PCDH11X: variants seen among roughly 807,000 people sequenced by gnomAD.
PCDH11X encodes protocadherin-11 X-linked.
In PCDH11X, 18 loss-of-function variants were observed where a neutral mutation model predicts 53.3. The ratio of observed to expected loss-of-function variants is 0.34; its 90% CI spans 0.23 to 0.50. The LOEUF (loss-of-function observed/expected upper bound fraction) is 0.50. PCDH11X is among the 20% of genes least tolerant of loss of function. PCDH11X has a pLI of 0.98. For synonymous variants in PCDH11X, 279 were observed against 393.3 expected (o/e 0.71, Z 3.44); for missense variants, 570 against 1,032.4 (o/e 0.55, Z 6.14).
chrX:92,061,583 A>G (rs1459193344), intron 6 of PCDH11X, among the ~76,000 whole-genome samples: 30 of 108,674 alleles, frequency 2.8e-4, no homozygotes, highest in African/African-American at 9.6e-4. Context: ...GTTTTTGTCA[A>G]TTTCTGGAAG....
chrX:91,951,253 G>A (rs2061637952), intron 6 of PCDH11X, among the ~76,000 whole-genome samples: 1 of 110,360 alleles, frequency 9.1e-6, no homozygotes, highest in Non-Finnish European at 1.9e-5. Context: ...CTGTGCAAGA[G>A]AGTACTATTT....
chrX:91,899,341 T>G (rs1183337394), intron 6 of PCDH11X, among the ~76,000 whole-genome samples: 1 of 111,058 alleles, frequency 9.0e-6, no homozygotes, highest in Non-Finnish European at 1.9e-5. Flanking sequence ...CTTTCCAGTT[T>G]CTTCTGCCTG....
chrX:92,431,971 T>G (rs1264926466), intron 9 of PCDH11X, among the ~76,000 whole-genome samples: 1 of 110,395 alleles, frequency 9.1e-6, no homozygotes, highest in East Asian at 2.8e-4. Context: ...CAAAATGATC[T>G]GACAATACAT....
chrX:91,981,776 CTGT>C (rs767499166), intron 6 of PCDH11X, among the ~76,000 whole-genome samples: 36 of 107,121 alleles, frequency 3.4e-4, no homozygotes, highest in South Asian at 2.1e-3. Context: ...AGGGTAACTC[CTGT>C]TGTTGTTGTT....
chrX:91,919,757 TA>T (rs749818261), intron 6 of PCDH11X, among the ~76,000 whole-genome samples: 2 of 110,801 alleles, frequency 1.8e-5, no homozygotes, highest in African/African-American at 6.6e-5. Context: ...ATTTCAATAA[TA>T]AAAAAATTAT....
At chrX:92,138,600 G>A (rs2065123009) in intron 6 of PCDH11X, among the ~76,000 whole-genome samples, 1 of 110,439 alleles carries the variant, frequency 9.1e-6, no homozygotes, top group African/African-American at 3.3e-5. Context: ...TCTGAATATT[G>A]TAATAGCCTA....
chrX:92,192,994 C>T (rs1176771525), intron 6 of PCDH11X, among the ~76,000 whole-genome samples: 1 of 111,986 alleles, frequency 8.9e-6, no homozygotes, highest in Non-Finnish European at 1.9e-5. Flanking sequence ...CTGCCTCTGC[C>T]TCCCAAAGTG....
chrX:92,498,801 AT>A (rs1569496386), intron 10 of PCDH11X, among the ~76,000 whole-genome samples: 1 of 107,673 alleles, frequency 9.3e-6, no homozygotes, highest in Non-Finnish European at 1.9e-5. Context: ...ATAATAAAAA[AT>A]ATAACATGAA....
intron 6 of PCDH11X, chrX:91,982,601 G>A (rs2062158384): frequency 1.5e-6 from 1 of 659,392 alleles, no homozygotes; most frequent in South Asian, 2.4e-5. Flanking sequence ...AAATTCTGAA[G>A]GTAGCTATGC....
chrX:92,437,926 A>G (rs911054905), intron 9 of PCDH11X, among the ~76,000 whole-genome samples: 1 of 111,854 alleles, frequency 8.9e-6, no homozygotes, highest in Non-Finnish European at 1.9e-5. Flanking sequence ...ATTTAAGTGT[A>G]TTGAAAACAA....
At chrX:92,053,000 C>T (rs1247432757) in intron 6 of PCDH11X, among the ~76,000 whole-genome samples, 1 of 111,733 alleles carries the variant, frequency 8.9e-6, no homozygotes, top group East Asian at 2.8e-4. Flanking sequence ...GAAAAAAGAT[C>T]TCTACATATT....
rs1446782766 is a variant in PCDH11X at position 91,991,181 on chromosome X, A to G, written c.3033+111908A>G. 1.1e-4 allele frequency among the ~76,000 whole-genome samples: 11 copies of G among 98,182 alleles called. No individual in the cohort carries two copies. In the East Asian group the frequency reaches 3.3e-3, roughly 30 times the overall value. 85.3% of individuals were successfully genotyped at this position (98,182 alleles called of 115,157 possible). A position where few individuals can be genotyped will look rare whatever the true frequency, so the allele number is the denominator to read the frequency against. On this transcript the variant is annotated intron_variant, in intron 6 of 10. Coordinates refer to ENST00000682573, the MANE Select transcript of PCDH11X (RefSeq NM_032968.5). ...TAAGGATCCTTGTTACAGTTTGGCA[A>G]TGGTAGAAGTCTACACCCTCCTCTT...
chrX:91,972,929 C>G lies in PCDH11X; in HGVS notation c.3033+93656C>G, dbSNP rs2061986215. ...GAAATACCATTTGACCCAGCCATCC[C>G]ATTACTGGGTATATACCCAAAGGAC... On this transcript the variant is annotated intron_variant, in intron 6 of 10. Coordinates refer to ENST00000682573, the MANE Select transcript of PCDH11X (RefSeq NM_032968.5). Among the ~76,000 whole-genome samples the G allele has an allele frequency of 4.5e-5, 5 of 110,871 alleles. No individual in the cohort carries two copies. The Admixed American group carries it at 4.8e-4, about 11-fold the overall frequency.
At position 92,110,881 on chromosome X, in the gene PCDH11X, A is replaced by T. The variant is rs12836776; in HGVS notation, c.3034-90494A>T. Reference sequence around the variant, plus strand: ...AAAATTTAATTTCTTTTCACAGCACACCATATTCTTGATAGCTCCAAATAT... The same window carrying T: ...AAAATTTAATTTCTTTTCACAGCACTCCATATTCTTGATAGCTCCAAATAT... On this transcript the variant is annotated intron_variant, in intron 6 of 10. Coordinates refer to ENST00000682573, the MANE Select transcript of PCDH11X (RefSeq NM_032968.5). Among the ~76,000 whole-genome samples, 851 of 109,732 alleles carry T rather than the reference A, an allele frequency of 7.8e-3. 8 individuals are homozygous for T. The highest frequency in any genetic ancestry group is 0.027 in the African/African-American group (805 of 29,918).
At chrX:92,482,491 A>G (rs1313525191) in intron 10 of PCDH11X, among the ~76,000 whole-genome samples, 2 of 111,660 alleles carry the variant, frequency 1.8e-5, no homozygotes, top group Non-Finnish European at 3.8e-5. Context: ...TAAGAAACAG[A>G]GGAAATAATT....
chrX:92,401,084 A>G (rs1473862906), intron 9 of PCDH11X, among the ~76,000 whole-genome samples: 2 of 107,315 alleles, frequency 1.9e-5, no homozygotes, highest in African/African-American at 6.8e-5. Context: ...GTTTCCCCAG[A>G]GATGAATAGT....
chrX:92,484,920 C>T (rs1030256025), intron 10 of PCDH11X, among the ~76,000 whole-genome samples: 3 of 110,389 alleles, frequency 2.7e-5, no homozygotes, highest in African/African-American at 9.8e-5. Flanking sequence ...TAAATTAAGA[C>T]TTTAGATGAA....
At chrX:92,000,753 C>T (rs994310451) in intron 6 of PCDH11X, among the ~76,000 whole-genome samples, 6 of 96,057 alleles carry the variant, frequency 6.2e-5, no homozygotes, top group Non-Finnish European at 1.2e-4. Context: ...CTCAGGTAAT[C>T]ATTCTTCTAC....
chrX:92,156,364 A>G (rs1015449642), intron 6 of PCDH11X, among the ~76,000 whole-genome samples: 9 of 109,999 alleles, frequency 8.2e-5, no homozygotes, highest in African/African-American at 3.0e-4. Flanking sequence ...TATTTATACG[A>G]TGCAAGTTCT....
Sources: gnomAD v4.1 joint callset for allele counts (sites outside exome capture counted in the v4.1 genomes callset) on GRCh38, gnomAD v4.1.1 for gene constraint, MANE v1.5 for transcripts, NCBI Gene and HGNC (gene_info 2026-07-23, HGNC 2026-07-21) for gene names.